The following FAM135B variants were observed in gnomAD, a reference collection of about 807,000 sequenced individuals.
The protein encoded by FAM135B is family with sequence similarity 135 member B, also known as protein FAM135B.
In FAM135B, 43 loss-of-function variants were observed where a neutral mutation model predicts 127.7. The ratio of observed to expected loss-of-function variants is 0.34; its 90% CI spans 0.26 to 0.43. The LOEUF is 0.43. Ranked by LOEUF, FAM135B falls within the 20% of genes least tolerant of loss-of-function variation. The pLI, the probability that FAM135B is intolerant of heterozygous loss-of-function variation, is 1.00. For synonymous variants in FAM135B, 670 were observed against 665.1 expected (o/e 1.01, Z -0.11); for missense variants, 1,558 against 1,725.6 (o/e 0.90, Z 1.72).
chr8:138,283,970 A>T (rs1824475342), intron 3 of FAM135B, among the ~76,000 whole-genome samples: 1 of 151,966 alleles, frequency 6.6e-6, no homozygotes, highest in Admixed American at 6.6e-5. Flanking sequence ...GAGCTGGAGA[A>T]CAGTGAGCTG....
chr8:138,268,369 C>T (rs151274784), intron 3 of FAM135B, among the ~76,000 whole-genome samples: 155 of 152,168 alleles, frequency 1.0e-3, no homozygotes, highest in African/African-American at 3.5e-3. Context: ...GCAAACAGAC[C>T]ACAGGGCTTA....
chr8:138,194,182 G>A (rs540769216), intron 9 of FAM135B, among the ~76,000 whole-genome samples: 1 of 152,208 alleles, frequency 6.6e-6, no homozygotes, highest in Non-Finnish European at 1.5e-5. Flanking sequence ...TTGATAATCA[G>A]TGCTTGGCAT....
chr8:138,313,827 GTT>G (rs1021837121), intron 2 of FAM135B, among the ~76,000 whole-genome samples: 3 of 148,322 alleles, frequency 2.0e-5, no homozygotes, highest in Non-Finnish European at 4.5e-5. Context: ...AAAAAAATTT[GTT>G]TTAGCCCCAA....
intron 1 of FAM135B, among the ~76,000 whole-genome samples, chr8:138,455,233 G>C (rs1206892421): frequency 1.3e-5 from 2 of 152,158 alleles, no homozygotes; most frequent in East Asian, 3.9e-4. Context: ...CATTACACTA[G>C]CTCTGCCTGT....
chr8:138,269,449 C>T (rs941491697), intron 3 of FAM135B, among the ~76,000 whole-genome samples: 3 of 152,318 alleles, frequency 2.0e-5, no homozygotes, highest in Admixed American at 1.3e-4. Flanking sequence ...AGTTCTGTGC[C>T]CAAACACCAG....
intron 1 of FAM135B, among the ~76,000 whole-genome samples, chr8:138,426,020 C>T (rs905953405): frequency 0.16 from 2,189 of 14,056 alleles, 187 homozygotes; most frequent in Admixed American, 0.42. Context: ...TATACACACA[C>T]ATACATATAC....
At chr8:138,430,912 T>G (rs1235407226) in intron 1 of FAM135B, among the ~76,000 whole-genome samples, 1 of 152,170 alleles carries the variant, frequency 6.6e-6, no homozygotes, top group Non-Finnish European at 1.5e-5. Context: ...TCCTCATCCC[T>G]AAAATGGGAA....
At position 138,152,316 on chromosome 8, in the gene FAM135B, C is replaced by T. The variant is rs2130764791; in HGVS notation, c.2159G>A (p.Arg720Lys). ...TAGGGAGTTCCGGTGGAGGGCATGT[C>T]TTCGAACAAACGGGTGCAAGACTTC... Reference protein sequence around the residue: ...DREVLHPFVRRHALHRNSLEG... With the variant: ...DREVLHPFVRKHALHRNSLEG... Residue 720 changes from arginine (R) to lysine (K), a missense_variant, in exon 13 of 20, where the codon AGA becomes AAA. This residue lies in a region of FAM135B where 923 missense variants were observed against 865.3 expected (regional missense o/e 1.07). Coordinates refer to ENST00000395297, the MANE Select transcript of FAM135B (RefSeq NM_015912.4). The T allele has an allele frequency of 6.2e-7, 1 of 1,614,184 alleles. No homozygotes were observed. The highest frequency in any genetic ancestry group is 1.1e-5 in the South Asian group (1 of 91,088).
chr8:138,296,098 C>T (rs775062774), intron 3 of FAM135B, among the ~76,000 whole-genome samples: 7 of 152,170 alleles, frequency 4.6e-5, no homozygotes, highest in Admixed American at 3.9e-4. Context: ...CTCTCTATAG[C>T]TTTTTTCACT....
chr8:138,267,143 T>C (rs1823001720), intron 3 of FAM135B, among the ~76,000 whole-genome samples: 1 of 152,174 alleles, frequency 6.6e-6, no homozygotes, highest in African/African-American at 2.4e-5. Context: ...AATTACATCC[T>C]AAGGGTAGAG....
At chr8:138,268,151 C>A (rs906709354) in intron 3 of FAM135B, among the ~76,000 whole-genome samples, 3 of 152,136 alleles carry the variant, frequency 2.0e-5, no homozygotes, top group Admixed American at 1.3e-4. Flanking sequence ...ATGGACACAG[C>A]CACACTGACC....
intron 1 of FAM135B, among the ~76,000 whole-genome samples, chr8:138,473,845 A>G (rs1278732556): frequency 6.6e-6 from 1 of 152,152 alleles, no homozygotes; most frequent in Non-Finnish European, 1.5e-5. Context: ...AGAGAGAGAG[A>G]GAGAGAGACT....
chr8:138,473,996 T>A (rs1434637770), intron 1 of FAM135B, among the ~76,000 whole-genome samples: 2 of 152,180 alleles, frequency 1.3e-5, no homozygotes, highest in Admixed American at 6.6e-5. Context: ...GCACACCACA[T>A]AAAGATCAGC....
chr8:138,490,296 C>T (rs1815146046), intron 1 of FAM135B, among the ~76,000 whole-genome samples: 1 of 152,166 alleles, frequency 6.6e-6, no homozygotes, highest in Non-Finnish European at 1.5e-5. Context: ...AGTTCTTAAT[C>T]TCATAAGTAC....
At chr8:138,250,218 T>C (rs1166858179) in intron 6 of FAM135B, among the ~76,000 whole-genome samples, 1 of 152,074 alleles carries the variant, frequency 6.6e-6, no homozygotes, top group Non-Finnish European at 1.5e-5. Flanking sequence ...CTGGGCGTGG[T>C]GGCGGGTGCC....
chr8:138,368,196 T>G (rs1161656353), intron 1 of FAM135B, among the ~76,000 whole-genome samples, 194 bp from the exon 2 acceptor site: 1 of 152,164 alleles, frequency 6.6e-6, no homozygotes, highest in African/African-American at 2.4e-5. Context: ...CTGTCACAGC[T>G]TCTACCTGGA....
At chr8:138,257,723 T>C (rs4276693) in intron 4 of FAM135B, among the ~76,000 whole-genome samples, 79,412 of 151,998 alleles carry the variant, frequency 0.52, 22,218 homozygotes, top group East Asian at 0.73. Context: ...TTGGAGGCAG[T>C]GTTACAACCT....
chr8:138,326,723 A>C (rs1215919163), intron 2 of FAM135B, among the ~76,000 whole-genome samples: 1 of 152,174 alleles, frequency 6.6e-6, no homozygotes, highest in Non-Finnish European at 1.5e-5. Context: ...CAGGTTTTAA[A>C]TGCTGGATTT....
intron 7 of FAM135B, 75 bp from the exon 8 acceptor site, chr8:138,197,744 T>A: frequency 6.7e-6 from 10 of 1,490,626 alleles, no homozygotes; most frequent in Non-Finnish European, 9.2e-6. Flanking sequence ...TGATGCTCCA[T>A]CCACCCGCAC....
Sources: allele counts gnomAD v4.1 joint callset (sites outside exome capture counted in the v4.1 genomes callset), GRCh38; gene constraint gnomAD v4.1.1; regional missense constraint gnomAD v4.1.1; transcripts MANE v1.5; gene names NCBI Gene and HGNC (gene_info 2026-07-23, HGNC 2026-07-21).